ACVR2B: variants seen among roughly 807,000 people sequenced by gnomAD.
ACVR2B encodes the protein activin A receptor type 2B.
A neutral mutation model predicts 65.1 loss-of-function variants in ACVR2B; 18 were observed. That is an observed-to-expected ratio of 0.28 (90% CI 0.19 to 0.41). The LOEUF (loss-of-function observed/expected upper bound fraction) is 0.41. Among genes scored for constraint, ACVR2B ranks in the 10% least tolerant of loss-of-function variants. ACVR2B has a pLI of 1.00. For synonymous variants in ACVR2B, 298 were observed against 277.7 expected (o/e 1.07, Z -0.73); for missense variants, 482 against 682.7 (o/e 0.71, Z 3.28).
intron 1 of ACVR2B, among the ~76,000 whole-genome samples, chr3:38,471,513 GCA>G (rs1213775424): frequency 1.3e-5 from 2 of 151,974 alleles, no homozygotes; most frequent in South Asian, 2.1e-4. Flanking sequence ...ACACACACAC[GCA>G]CACACACAAA....
chr3:38,489,755 T>C lies in ACVR2B; in HGVS notation c.*6423T>C, dbSNP rs1483895415. 1 of 152,444 alleles carries C rather than the reference T, an allele frequency of 6.6e-6. No individual in the cohort carries two copies. The highest frequency in any genetic ancestry group is 1.5e-5 in the Non-Finnish European group (1 of 68,038). 9.4% of individuals were successfully genotyped at this position (152,444 alleles called of 1,614,324 possible). On this transcript the variant is annotated 3_prime_UTR_variant, in exon 11 of 11. Coordinates refer to ENST00000352511, the MANE Select transcript of ACVR2B (RefSeq NM_001106.4). ...GGATGGGACTCGAATAAGATTCAGGTACAAAAACTTTGAAATGAGAATCTG... is the reference window on the plus strand; with the variant it reads ...GGATGGGACTCGAATAAGATTCAGGCACAAAAACTTTGAAATGAGAATCTG...
rs568663120 is a variant in ACVR2B, at chr3:38,483,019, G to A, written c.1345-119G>A. Reference sequence around the variant, plus strand: ...CTCTGCTGGTGGACCTGCTGCTGTGGTTGGGGCTGGTGGGCTCTGCCTGAT... The same window carrying A: ...CTCTGCTGGTGGACCTGCTGCTGTGATTGGGGCTGGTGGGCTCTGCCTGAT... On this transcript the variant is annotated intron_variant, in intron 10 of 10. Coordinates refer to ENST00000352511, the MANE Select transcript of ACVR2B (RefSeq NM_001106.4). The surrounding 1 kb of genome is among the most constrained non-coding windows in gnomAD (Gnocchi z 4.8). 10 of 1,155,772 alleles carry A rather than the reference G, an allele frequency of 8.7e-6. No individual in the cohort carries two copies. In the East Asian group the frequency reaches 9.4e-5, roughly 11 times the overall value. 71.6% of individuals were successfully genotyped at this position (1,155,772 alleles called of 1,614,324 possible).
In ACVR2B at chr3:38,477,941, C is replaced by T. The variant is rs753089562; in HGVS notation, c.341C>T (p.Thr114Ile). The T allele has an allele frequency of 1.2e-5, 19 of 1,613,982 alleles. No individual in the cohort carries two copies. Among genetic ancestry groups the T allele is most frequent in the Non-Finnish European group, 4.2e-6 (5 of 1,180,030 alleles). The change falls in exon 3 of 11, where the codon ACT (threonine) becomes ATT (isoleucine). Residue 114 changes from threonine (T) to isoleucine (I), a missense_variant. By Grantham distance (89) the Thr-to-Ile change is moderately conservative (BLOSUM62 -1). Transcript: ENST00000352511. The surrounding 1 kb of genome is among the most constrained non-coding windows in gnomAD (Gnocchi z 6.7). ...CEGNFCNERF[T>I]HLPEAGGPEV... ...GGCAACTTCTGCAACGAACGCTTCA[C>T]TCATTTGCCAGAGGCTGGGGGCCCG...
At chr3:38,479,353 C>T (rs550140682) in intron 6 of ACVR2B, 82 bp downstream of exon 6, 4 of 1,590,234 alleles carry the variant, frequency 2.5e-6, no homozygotes, top group Non-Finnish European at 3.5e-6. Flanking sequence ...TGACCCCTTC[C>T]CTGTGGAGGT....
In ACVR2B at chr3:38,481,834, T is replaced by G. The variant is rs1710022073; in HGVS notation, c.1075-364T>G. Among the ~76,000 whole-genome samples the G allele has an allele frequency of 6.6e-6, 1 of 152,168 alleles. No individual in the cohort carries two copies. The highest frequency in any genetic ancestry group is 2.1e-4 in the South Asian group (1 of 4,834). ...GTAACTAAAAATTAAACTTAGGAAA[T>G]CATTCCTAAAACAATCACTGTTATT... On this transcript the variant is annotated intron_variant, in intron 8 of 10. Coordinates refer to ENST00000352511, the MANE Select transcript of ACVR2B (RefSeq NM_001106.4). This position sits in a 1 kb window ranked among gnomAD's most constrained non-coding sequence, Gnocchi z 4.7.
At chr3:38,455,763 C>T (rs1048694558) in intron 1 of ACVR2B, among the ~76,000 whole-genome samples, 2 of 152,168 alleles carry the variant, frequency 1.3e-5, no homozygotes, top group African/African-American at 4.8e-5. Context: ...GTTGGACTTT[C>T]TGCTCTTTTT....
intron 1 of ACVR2B, among the ~76,000 whole-genome samples, chr3:38,458,624 T>G (rs1709589371): frequency 6.6e-6 from 1 of 152,156 alleles, no homozygotes; most frequent in Non-Finnish European, 1.5e-5. Context: ...GCCTATGCAT[T>G]CAGCCCCTCT....
chr3:38,466,507 CTT>C (rs71085326), intron 1 of ACVR2B, among the ~76,000 whole-genome samples: 5 of 143,852 alleles, frequency 3.5e-5, no homozygotes, highest in Non-Finnish European at 3.0e-5. Context: ...ACCAAAACTT[CTT>C]TTTTTTTTTT....
chr3:38,454,389 C>T lies in ACVR2B; in HGVS notation c.52+15C>T, dbSNP rs1575574767. 6 of 1,250,472 alleles carry T rather than the reference C, an allele frequency of 4.8e-6. No individual in the cohort carries two copies. The East Asian group carries it at 1.9e-4, about 40-fold the overall frequency. 77.5% of individuals were successfully genotyped at this position (1,250,472 alleles called of 1,614,324 possible). A position where few individuals can be genotyped will look rare whatever the true frequency, so the allele number is the denominator to read the frequency against. ...GCTGTGCGCCGGTAAGAACTGGGCG[C>T]GGCGCGGGGACGCCGAGAGGGCGCG... On this transcript the variant is annotated intron_variant, in intron 1 of 10. Transcript: ENST00000352511.
In ACVR2B at chr3:38,483,771, G is replaced by A. The variant is rs1710064859; in HGVS notation, c.*439G>A. The A allele has an allele frequency of 6.5e-6, 1 of 154,516 alleles. No individual in the cohort carries two copies. Among genetic ancestry groups the A allele is most frequent in the African/African-American group, 2.4e-5 (1 of 41,448 alleles). 9.6% of individuals were successfully genotyped at this position (154,516 alleles called of 1,614,324 possible). On this transcript the variant is annotated 3_prime_UTR_variant, in exon 11 of 11. Transcript: ENST00000352511. This position sits in a 1 kb window ranked among gnomAD's most constrained non-coding sequence, Gnocchi z 4.8. Reference sequence around the variant, plus strand: ...CTACCTAGAGGAACCTTTGAAGACTGTTACATAAGAACATACCTTCCTCAG... The same window carrying A: ...CTACCTAGAGGAACCTTTGAAGACTATTACATAAGAACATACCTTCCTCAG...
At chr3:38,458,337 A>T (rs1169959808) in intron 1 of ACVR2B, among the ~76,000 whole-genome samples, 4 of 152,142 alleles carry the variant, frequency 2.6e-5, no homozygotes, top group Non-Finnish European at 4.4e-5. Context: ...CTCCAGGAAA[A>T]TGTAAATCGG....
chr3:38,476,979 T>G (rs1485121467), intron 1 of ACVR2B: 1 of 495,742 alleles, frequency 2.0e-6, no homozygotes, highest in Non-Finnish European at 3.7e-6. Flanking sequence ...CTGGACTCTG[T>G]CTGTCTGGCT....
At position 38,486,209 on chromosome 3, in the gene ACVR2B, G is replaced by A. The variant is rs750960841; in HGVS notation, c.*2877G>A. Reference sequence around the variant, plus strand: ...CCCTGTGGGGCCTTGCCATCAGATTGTGTGTCAGGAGATGGTACCTTTTTG... The same window carrying A: ...CCCTGTGGGGCCTTGCCATCAGATTATGTGTCAGGAGATGGTACCTTTTTG... On this transcript the variant is annotated 3_prime_UTR_variant, in exon 11 of 11. Coordinates refer to ENST00000352511, the MANE Select transcript of ACVR2B (RefSeq NM_001106.4). 6.6e-6 allele frequency: 1 copy of A among 152,246 alleles called. No homozygotes were observed. The highest frequency in any genetic ancestry group is 2.4e-5 in the African/African-American group (1 of 41,446). The allele number at this position is 152,246 out of a possible 1,614,324, so 9.4% of individuals were successfully genotyped here. A position where few individuals can be genotyped will look rare whatever the true frequency, so the allele number is the denominator to read the frequency against.
chr3:38,487,247 A>G lies in ACVR2B; in HGVS notation c.*3915A>G, dbSNP rs181066177. On this transcript the variant is annotated 3_prime_UTR_variant, in exon 11 of 11. Coordinates refer to ENST00000352511, the MANE Select transcript of ACVR2B (RefSeq NM_001106.4). ...CGGACTTGGGGGTGTTTCTGCAGAA[A>G]AAGGAGGTTGTTTTTCAGCCTTGAA... 1.3e-5 allele frequency: 2 copies of G among 152,220 alleles called. No homozygotes were observed. Among genetic ancestry groups the G allele is most frequent in the African/African-American group, 4.8e-5 (2 of 41,450 alleles). The allele number at this position is 152,220 out of a possible 1,614,324, so 9.4% of individuals were successfully genotyped here. A position where few individuals can be genotyped will look rare whatever the true frequency, so the allele number is the denominator to read the frequency against.
intron 1 of ACVR2B, among the ~76,000 whole-genome samples, chr3:38,461,400 G>C (rs1302663575): frequency 1.3e-5 from 2 of 152,210 alleles, no homozygotes; most frequent in Non-Finnish European, 2.9e-5. Flanking sequence ...TCTCTGTGTA[G>C]TGAGGGCATA....
chr3:38,467,327 A>G (rs908810086), intron 1 of ACVR2B, among the ~76,000 whole-genome samples: 3 of 152,106 alleles, frequency 2.0e-5, no homozygotes, highest in African/African-American at 7.2e-5. Flanking sequence ...CATGCCTGTA[A>G]TCCCAGGAGG....
chr3:38,483,368 T>G lies in ACVR2B; in HGVS notation c.*36T>G. ...TGAGTGTCTGTCCAGACTCAGTGGA[T>G]CTGAAGAAAAAAGGAAAAAAAGTTG... On this transcript the variant is annotated 3_prime_UTR_variant, in exon 11 of 11. Transcript: ENST00000352511. The surrounding 1 kb of genome is among the most constrained non-coding windows in gnomAD (Gnocchi z 4.8). The G allele has an allele frequency of 1.2e-6, 2 of 1,611,808 alleles. No individual in the cohort carries two copies. The highest frequency in any genetic ancestry group is 1.3e-5 in the African/African-American group (1 of 74,896).
intron 1 of ACVR2B, chr3:38,474,511 T>C (rs550703957): frequency 6.6e-6 from 1 of 152,384 alleles, no homozygotes; most frequent in South Asian, 2.1e-4. Flanking sequence ...CCATCTATGA[T>C]GTGTTTGGAA....
rs578215223 is a variant in ACVR2B at position 38,478,264 on chromosome 3, C to G, written c.494C>G (p.Pro165Arg). The G allele has an allele frequency of 6.2e-7, 1 of 1,614,126 alleles. No homozygotes were observed. Among genetic ancestry groups the G allele is most frequent in the South Asian group, 1.1e-5 (1 of 91,070 alleles). Residue 165 changes from proline to arginine, a missense_variant, in exon 4 of 11, where the codon CCC becomes CGC. Coordinates refer to ENST00000352511, the MANE Select transcript of ACVR2B (RefSeq NM_001106.4). ...TTTTGGATGTACCGGCATCGCAAGC[C>G]CCCCTACGGTCATGTGGACATCCAT... ...LAFWMYRHRK[P>R]PYGHVDIHED...
Sources: gnomAD v4.1 joint callset for allele counts (sites outside exome capture counted in the v4.1 genomes callset) on GRCh38, gnomAD v4.1.1 for gene constraint, Gnocchi (gnomAD v3.1) non-coding constraint, MANE v1.5 for transcripts, NCBI Gene and HGNC (gene_info 2026-07-23, HGNC 2026-07-21) for gene names.